The following AKAP12 variants were observed in gnomAD, a reference collection of about 807,000 sequenced individuals.
The protein encoded by AKAP12 is A-kinase anchoring protein 12, also known as A-kinase anchor protein 12.
A neutral mutation model predicts 79.9 loss-of-function variants in AKAP12; 32 were observed. That is an observed-to-expected ratio of 0.40 (90% CI 0.30 to 0.54). The LOEUF (loss-of-function observed/expected upper bound fraction) is 0.54. AKAP12 is among the 20% of genes least tolerant of loss of function. The probability of loss-of-function intolerance (pLI) is 0.48; values close to 1 mark genes in which losing one functional copy is unlikely to be tolerated. For missense variants in AKAP12, 2,074 were observed against 2,177.0 expected (o/e 0.95, Z 0.94); for synonymous variants, 808 against 857.0 (o/e 0.94, Z 1.00).
chr6:151,272,008 TC>T (rs1334715564), intron 2 of AKAP12, among the ~76,000 whole-genome samples: 1 of 152,070 alleles, frequency 6.6e-6, no homozygotes, highest in Non-Finnish European at 1.5e-5. Flanking sequence ...TATTCAAACT[TC>T]CTCTGTTAAC....
intron 3 of AKAP12, chr6:151,319,527 G>GATATAT (rs146314242): frequency 8.9e-5 from 9 of 101,272 alleles, no homozygotes; most frequent in African/African-American, 3.6e-4. Flanking sequence ...TCTCTATATA[G>GATATAT]ATATATATAT....
intron 3 of AKAP12, among the ~76,000 whole-genome samples, chr6:151,312,460 A>G (rs1405586641): frequency 6.6e-6 from 1 of 151,694 alleles, no homozygotes; most frequent in Admixed American, 6.6e-5. Flanking sequence ...TGGGCAACAG[A>G]TTGAGACCCT....
chr6:151,350,516 G>A lies in AKAP12; in HGVS notation c.2125G>A (p.Gly709Arg). The change falls in exon 4 of 5, where the codon GGA becomes AGA. Residue 709 changes from glycine (G) to arginine (R), a missense_variant. Physicochemically the swap from Gly to Arg is moderately radical, Grantham distance 125. Around this residue, in one of 3 missense-constraint regions of AKAP12, gnomAD observed 1,428 missense variants for 1,451.0 expected, o/e 0.98. Coordinates refer to ENST00000402676, the MANE Select transcript of AKAP12 (RefSeq NM_005100.4). The surrounding 1 kb of genome is among the most constrained non-coding windows in gnomAD (Gnocchi z 4.8). ...GGAAGGGGGACCAAAAGCAATGGGA[G>A]GAGACCACCAGAAAGCTGATGAGGC... is the stretch of plus-strand genomic sequence containing the variant. ...DEEGGPKAMG[G>R]DHQKADEAGK... 6.2e-7 allele frequency: 1 copy of A among 1,614,112 alleles called. No individual in the cohort carries two copies. Among genetic ancestry groups the A allele is most frequent in the Non-Finnish European group, 8.5e-7 (1 of 1,180,034 alleles).
At chr6:151,303,777 G>T (rs1403665058) in intron 2 of AKAP12, among the ~76,000 whole-genome samples, 1 of 152,112 alleles carries the variant, frequency 6.6e-6, no homozygotes, top group Non-Finnish European at 1.5e-5. Flanking sequence ...TCAAAGCATG[G>T]CACGTATCTT....
chr6:151,289,372 G>A (rs1776568121), intron 2 of AKAP12, among the ~76,000 whole-genome samples: 1 of 152,136 alleles, frequency 6.6e-6, no homozygotes, highest in South Asian at 2.1e-4. Flanking sequence ...CTGATTTTTA[G>A]AGCATTGGGT....
At chr6:151,346,356 A>G (rs1361537332) in intron 3 of AKAP12, among the ~76,000 whole-genome samples, 2 of 152,228 alleles carry the variant, frequency 1.3e-5, no homozygotes, top group African/African-American at 4.8e-5. Flanking sequence ...GGAAAGCCAC[A>G]TCATCCGCCC....
chr6:151,298,656 C>T (rs1333389597), intron 2 of AKAP12, among the ~76,000 whole-genome samples: 1 of 151,864 alleles, frequency 6.6e-6, no homozygotes, highest in East Asian at 1.9e-4. Flanking sequence ...ATTAGCCAGG[C>T]GTGGTGGCAC....
rs377032584 is a variant in AKAP12, at chr6:151,274,076, C to CT, written c.163-31658dup. Among the ~76,000 whole-genome samples the CT allele has an allele frequency of 5.0e-3, 691 of 137,830 alleles. 9 individuals carry two copies. The highest frequency in any genetic ancestry group is 0.038 in the South Asian group (152 of 3,954). 90.4% of individuals were successfully genotyped at this position (137,830 alleles called of 152,430 possible). ...GAGGTCAAAATGGTTTCCCTCAGTT[C>CT]TTTTTTTTTTTTTGAGACAGGATCT... On this transcript the variant is annotated intron_variant, in intron 2 of 4. Coordinates refer to ENST00000402676, the MANE Select transcript of AKAP12 (RefSeq NM_005100.4).
chr6:151,284,561 A>G (rs1416694375), intron 2 of AKAP12, among the ~76,000 whole-genome samples: 2 of 152,154 alleles, frequency 1.3e-5, no homozygotes, highest in African/African-American at 4.8e-5. Context: ...CTGAGAGGTC[A>G]GAGCTGCAGT....
At position 151,353,105 on chromosome 6, in the gene AKAP12, T is replaced by G; in HGVS notation, c.4714T>G (p.Leu1572Val). 6.2e-7 allele frequency: 1 copy of G among 1,614,172 alleles called. No individual in the cohort carries two copies. The highest frequency in any genetic ancestry group is 8.5e-7 in the Non-Finnish European group (1 of 1,180,034). The change falls in exon 4 of 5, where the codon TTG (leucine) becomes GTG (valine). Residue 1572 changes from leucine to valine, a missense_variant. This residue lies in a region of AKAP12 where 614 missense variants were observed against 665.6 expected (regional missense o/e 0.92). Coordinates refer to ENST00000402676, the MANE Select transcript of AKAP12 (RefSeq NM_005100.4). ...VRTEETATEM[L>V]TSELQTQAHV... is the part of the protein sequence containing the mutation. The stretch of plus-strand genomic sequence containing the variant: ...TACAGAAGAAACAGCCACCGAAATG[T>G]TGACGTCTGAGTTACAGACACAAGC...
At chr6:151,313,621 T>C (rs1777168198) in intron 3 of AKAP12, among the ~76,000 whole-genome samples, 1 of 152,224 alleles carries the variant, frequency 6.6e-6, no homozygotes. Flanking sequence ...TGTTTTTCTC[T>C]GAACTATATT....
In AKAP12 at chr6:151,349,517, A is replaced by C; in HGVS notation, c.1126A>C (p.Lys376Gln). The C allele has an allele frequency of 6.2e-7, 1 of 1,610,366 alleles. No individual in the cohort carries two copies. The highest frequency in any genetic ancestry group is 8.5e-7 in the Non-Finnish European group (1 of 1,179,012). The change falls in exon 4 of 5, where the codon AAA becomes CAA. Residue 376 changes from lysine (K) to glutamine (Q), a missense_variant. Transcript: ENST00000402676. ...HEPRLSAEYE[K>Q]VELPSEEQVS... Reference sequence around the variant, plus strand: ...GCCCCGGTTATCAGCTGAATATGAGAAAGTTGAGCTGCCCTCAGAGGAGCA... The same window carrying C: ...GCCCCGGTTATCAGCTGAATATGAGCAAGTTGAGCTGCCCTCAGAGGAGCA...
chr6:151,252,413 C>T (rs1313540644), intron 2 of AKAP12, among the ~76,000 whole-genome samples: 1 of 152,028 alleles, frequency 6.6e-6, no homozygotes, highest in Non-Finnish European at 1.5e-5. Context: ...CCAGGCTGGT[C>T]TCAAAATCCT....
chr6:151,340,005 C>T (rs537327166), intron 3 of AKAP12, among the ~76,000 whole-genome samples: 1 of 152,036 alleles, frequency 6.6e-6, no homozygotes, highest in Admixed American at 6.5e-5. Flanking sequence ...CAGCTCACTG[C>T]GAGCCCCGTC....
intron 2 of AKAP12, among the ~76,000 whole-genome samples, chr6:151,247,464 T>C (rs1378753336): frequency 2.0e-5 from 3 of 152,066 alleles, no homozygotes; most frequent in Non-Finnish European, 4.4e-5. Context: ...TTAATCAAAT[T>C]GGAAAAAAGC....
chr6:151,268,858 G>A (rs533226947), intron 2 of AKAP12, among the ~76,000 whole-genome samples: 7 of 149,960 alleles, frequency 4.7e-5, no homozygotes, highest in Admixed American at 2.7e-4. Context: ...TGGCCAGGCT[G>A]ATCTGGGACT....
At chr6:151,327,494 T>C (rs1777559230) in intron 3 of AKAP12, among the ~76,000 whole-genome samples, 2 of 152,162 alleles carry the variant, frequency 1.3e-5, no homozygotes, top group Admixed American at 1.3e-4. Flanking sequence ...GAGTCACAGC[T>C]GGGGTGGTGC....
At chr6:151,308,151 A>G (rs9383880) in intron 3 of AKAP12, among the ~76,000 whole-genome samples, 35,901 of 152,060 alleles carry the variant, frequency 0.24, 4,642 homozygotes, top group Admixed American at 0.33. Context: ...GTGGGATTAC[A>G]GGTGTGAGCC....
intron 3 of AKAP12, among the ~76,000 whole-genome samples, chr6:151,319,080 T>C (rs955680578): frequency 2.6e-5 from 4 of 152,228 alleles, no homozygotes; most frequent in African/African-American, 9.6e-5. Context: ...AAATAATATT[T>C]ATTCTACATC....
Sources: allele counts gnomAD v4.1 joint callset (sites outside exome capture counted in the v4.1 genomes callset), GRCh38; gene constraint gnomAD v4.1.1; regional missense constraint gnomAD v4.1.1; non-coding constraint Gnocchi (gnomAD v3.1); transcripts MANE v1.5; gene names NCBI Gene and HGNC (gene_info 2026-07-23, HGNC 2026-07-21).